The following SYNC variants were observed in gnomAD, a reference collection of about 807,000 sequenced individuals.
SYNC encodes the protein syncoilin.
Under a neutral mutation model 49.5 loss-of-function variants are expected in SYNC, and 38 were observed. The ratio of observed to expected loss-of-function variants is 0.77; its 90% CI spans 0.59 to 1.01. The LOEUF (loss-of-function observed/expected upper bound fraction) is 1.01, where lower values mean the gene tolerates loss of function less well. Ranked by LOEUF, SYNC falls within the 50% of genes least tolerant of loss-of-function variation. The probability of loss-of-function intolerance (pLI) is 0.00; values close to 1 mark genes in which losing one functional copy is unlikely to be tolerated. For synonymous variants in SYNC, 201 were observed against 230.8 expected (o/e 0.87, Z 1.17); for missense variants, 579 against 580.6 (o/e 1.00, Z 0.03).
In SYNC at chr1:32,702,134, C is replaced by T. The variant is rs1650691644; in HGVS notation, c.53+474G>A. Among the ~76,000 whole-genome samples the T allele has an allele frequency of 6.6e-6, 1 of 152,202 alleles. No individual in the cohort carries two copies. The highest frequency in any genetic ancestry group is 1.5e-5 in the Non-Finnish European group (1 of 68,032). ...GTGGGGAGGGCCCCTGGACCCTTCCCCCACCCATCCCAGGCCAGACGGGAG... is the reference window on the plus strand; with the variant it reads ...GTGGGGAGGGCCCCTGGACCCTTCCTCCACCCATCCCAGGCCAGACGGGAG... On this transcript the variant is annotated intron_variant, in intron 1 of 4. Transcript: ENST00000409190. The surrounding 1 kb of genome is among the most constrained non-coding windows in gnomAD (Gnocchi z 6.2).
At position 32,681,754 on chromosome 1, in the gene SYNC, CT is replaced by C. The variant is rs753654424; in HGVS notation, c.*95del. ...AATTGCTTGCCAAGTTTCTGGCACT[CT>C]TGTCTGGTTGGAAGAGTACATCCAA... On this transcript the variant is annotated 3_prime_UTR_variant, in exon 5 of 5. Transcript: ENST00000409190. 106 of 1,606,280 alleles carry C rather than the reference CT, an allele frequency of 6.6e-5. No individual in the cohort carries two copies. The Admixed American group carries it at 1.8e-3, about 27-fold the overall frequency.
intron 2 of SYNC, among the ~76,000 whole-genome samples, chr1:32,692,103 G>A (rs185802376): frequency 6.6e-6 from 1 of 152,136 alleles, no homozygotes; most frequent in African/African-American, 2.4e-5. Flanking sequence ...GCGGTGGCGG[G>A]CGCCTGCAAT....
chr1:32,689,069 G>T (rs569345792), intron 2 of SYNC, among the ~76,000 whole-genome samples: 1 of 151,384 alleles, frequency 6.6e-6, no homozygotes, highest in African/African-American at 2.4e-5. Context: ...CTCCCGAGAA[G>T]CTGGGAACAC....
At chr1:32,698,760 T>C (rs1164582959) in intron 1 of SYNC, among the ~76,000 whole-genome samples, 1 of 151,762 alleles carries the variant, frequency 6.6e-6, no homozygotes, top group Admixed American at 6.6e-5. Context: ...TGGTCTTTCC[T>C]GTTTCTGTTT....
At position 32,679,952 on chromosome 1, in the gene SYNC, G is replaced by T. The variant is rs1649317636; in HGVS notation, c.*1898C>A. On this transcript the variant is annotated 3_prime_UTR_variant, in exon 5 of 5. Coordinates refer to ENST00000409190, the MANE Select transcript of SYNC (RefSeq NM_030786.3). The stretch of plus-strand genomic sequence containing the variant: ...TTTCTAGTAACCCAGGTCTAAAGTA[G>T]CTACAGAAAGGGGAATATTATGTGT... 7.9e-7 allele frequency: 1 copy of T among 1,273,150 alleles called. No individual in the cohort carries two copies. Among genetic ancestry groups the T allele is most frequent in the African/African-American group, 1.6e-5 (1 of 64,350 alleles). The allele number at this position is 1,273,150 out of a possible 1,614,324, so 78.9% of individuals were successfully genotyped here.
At chr1:32,683,943 G>A (rs1012854058) in intron 4 of SYNC, 67 bp downstream of exon 4, 49 of 1,516,478 alleles carry the variant, frequency 3.2e-5, no homozygotes, top group Non-Finnish European at 4.3e-5. Context: ...TGTTTTTAAG[G>A]CATTAATTAG....
chr1:32,692,703 G>GCCACTGCACT (rs1032591875), intron 2 of SYNC, among the ~76,000 whole-genome samples: 1 of 151,978 alleles, frequency 6.6e-6, no homozygotes, highest in Non-Finnish European at 1.5e-5. Flanking sequence ...CTGAGATCAT[G>GCCACTGCACT]CCACTGCACT....
chr1:32,701,157 C>T (rs373599372), intron 1 of SYNC, among the ~76,000 whole-genome samples: 8 of 152,074 alleles, frequency 5.3e-5, no homozygotes, highest in Admixed American at 2.0e-4. Context: ...TCAGGTGATC[C>T]GCACACCTCG....
intron 1 of SYNC, among the ~76,000 whole-genome samples, chr1:32,698,888 C>T (rs1434175778): frequency 1.3e-5 from 2 of 151,784 alleles, no homozygotes; most frequent in Admixed American, 6.6e-5. Context: ...TCAAGCCATC[C>T]TCCTGCCTCA....
At chr1:32,698,177 C>G (rs1248837070) in intron 1 of SYNC, among the ~76,000 whole-genome samples, 1 of 134,284 alleles carries the variant, frequency 7.4e-6, no homozygotes, top group Non-Finnish European at 1.5e-5. Flanking sequence ...GAGCCGAGAT[C>G]ACACCACAGC....
Position 32,681,503 on chromosome 1 carries a change from CT to C in SYNC, c.*346del. 1 of 292,946 alleles carries C rather than the reference CT, an allele frequency of 3.4e-6. No homozygotes were observed. Among genetic ancestry groups the C allele is most frequent in the Non-Finnish European group, 6.3e-6 (1 of 159,202 alleles). 18.1% of individuals were successfully genotyped at this position (292,946 alleles called of 1,614,324 possible). On this transcript the variant is annotated 3_prime_UTR_variant, in exon 5 of 5. Coordinates refer to ENST00000409190, the MANE Select transcript of SYNC (RefSeq NM_030786.3). The stretch of plus-strand genomic sequence containing the variant: ...GGGTCAACACAAGGCAAGATACATT[CT>C]TTAAAATACTCCCAGATGTGTCCAT...
At position 32,702,524 on chromosome 1, in the gene SYNC, C is replaced by T. The variant is rs1650706409; in HGVS notation, c.53+84G>A. 3 of 1,174,788 alleles carry T rather than the reference C, an allele frequency of 2.6e-6. No homozygotes were observed. Among genetic ancestry groups the T allele is most frequent in the Non-Finnish European group, 3.2e-6 (3 of 945,084 alleles). The allele number at this position is 1,174,788 out of a possible 1,614,324, so 72.8% of individuals were successfully genotyped here. ...CCACTACCCCTAGACAGGCGAAAGA[C>T]GCCCGCGGTCGGGGGGAAAGGGAAC... On this transcript the variant is annotated intron_variant, in intron 1 of 4. Coordinates refer to ENST00000409190, the MANE Select transcript of SYNC (RefSeq NM_030786.3). The surrounding 1 kb of genome is among the most constrained non-coding windows in gnomAD (Gnocchi z 6.2).
Position 32,681,824 on chromosome 1 carries a change from C to T in SYNC, c.*26G>A, listed in dbSNP as rs766792483. 16 of 1,613,932 alleles carry T rather than the reference C, an allele frequency of 9.9e-6. No individual in the cohort carries two copies. The highest frequency in any genetic ancestry group is 2.2e-5 in the South Asian group (2 of 91,080). On this transcript the variant is annotated 3_prime_UTR_variant, in exon 5 of 5. Coordinates refer to ENST00000409190, the MANE Select transcript of SYNC (RefSeq NM_030786.3). ...TTGCTAAGAAGTTTTTTGCTGTTTC[C>T]GGGTTACAGATTTGGCCATATATTT...
chr1:32,698,412 G>C (rs527448027), intron 1 of SYNC, among the ~76,000 whole-genome samples: 2 of 152,130 alleles, frequency 1.3e-5, no homozygotes, highest in Admixed American at 1.3e-4. Context: ...CCAGCTACTC[G>C]GGAGGCTGAG....
chr1:32,688,263 C>T (rs1466697306), intron 2 of SYNC, among the ~76,000 whole-genome samples: 1 of 152,158 alleles, frequency 6.6e-6, no homozygotes, highest in Non-Finnish European at 1.5e-5. Context: ...AATCACTGCT[C>T]TGCCTTACCT....
chr1:32,699,564 T>C (rs1308843373), intron 1 of SYNC, among the ~76,000 whole-genome samples: 2 of 152,068 alleles, frequency 1.3e-5, no homozygotes, highest in Non-Finnish European at 2.9e-5. Context: ...ACTTTTGTCC[T>C]GGTCTTCTAA....
rs1439800650 is a variant in SYNC, at chr1:32,695,417, T to C, written c.681A>G (p.Gln227=). The change falls in exon 2 of 5, where the codon CAA becomes CAG. Residue 227 remains glutamine, a synonymous_variant. Coordinates refer to ENST00000409190, the MANE Select transcript of SYNC (RefSeq NM_030786.3). ...TTAGGCCATCTCTCTCCAGCTCTGC[T>C]TGGGCATGGAGCTTGTAGGCAGCCA... The part of the protein sequence containing the change: ...DILAAYKLHA[Q]AELERDGLRE... 3 of 1,551,782 alleles carry C rather than the reference T, an allele frequency of 1.9e-6. No individual in the cohort carries two copies. The South Asian group carries it at 3.6e-5, about 18-fold the overall frequency.
At chr1:32,693,839 A>G (rs570284707) in intron 2 of SYNC, among the ~76,000 whole-genome samples, 3 of 152,362 alleles carry the variant, frequency 2.0e-5, no homozygotes, top group Non-Finnish European at 2.9e-5. Context: ...AGAGGATTCT[A>G]TTAAGGTTGG....
rs557027676 is a variant in SYNC at position 32,680,851 on chromosome 1, A to G, written c.*999T>C. ...AGTGAAAGACATAAAACACTGAATCAGAGGTGGCACAGATTAGTCTTTGAT... is the reference window on the plus strand; with the variant it reads ...AGTGAAAGACATAAAACACTGAATCGGAGGTGGCACAGATTAGTCTTTGAT... On this transcript the variant is annotated 3_prime_UTR_variant, in exon 5 of 5. Coordinates refer to ENST00000409190, the MANE Select transcript of SYNC (RefSeq NM_030786.3). 5.3e-4 allele frequency: 179 copies of G among 337,568 alleles called. 3 individuals carry two copies. The South Asian group carries it at 0.016, about 30-fold the overall frequency. The allele number at this position is 337,568 out of a possible 1,614,324, so 20.9% of individuals were successfully genotyped here. A position where few individuals can be genotyped will look rare whatever the true frequency, so the allele number is the denominator to read the frequency against.
Sources: gnomAD v4.1 joint callset for allele counts (sites outside exome capture counted in the v4.1 genomes callset) on GRCh38, gnomAD v4.1.1 for gene constraint, Gnocchi (gnomAD v3.1) non-coding constraint, MANE v1.5 for transcripts, NCBI Gene and HGNC (gene_info 2026-07-23, HGNC 2026-07-21) for gene names.